DCC: variants seen among roughly 807,000 people sequenced by gnomAD.
The protein encoded by DCC is DCC netrin 1 receptor.
A neutral mutation model predicts 172.5 loss-of-function variants in DCC; 58 were observed. That is an observed-to-expected ratio of 0.34 (90% CI 0.27 to 0.42). The LOEUF is 0.42. Ranked by LOEUF, DCC falls within the 10% of genes least tolerant of loss-of-function variation. The pLI is 1.00. For missense variants in DCC, 1,740 were observed against 1,791.0 expected, an observed-to-expected ratio of 0.97 and a Z score of 0.51; for synonymous variants, 709 against 644.5, an observed-to-expected ratio of 1.10 and a Z score of -1.52.
At chr18:52,896,847 G>T (rs2039738354) in intron 2 of DCC, among the ~76,000 whole-genome samples, 1 of 145,766 alleles carries the variant, frequency 6.9e-6, no homozygotes, top group African/African-American at 2.6e-5. Context: ...GGGGAAAGCT[G>T]GGTAGGGGCT....
intron 2 of DCC, among the ~76,000 whole-genome samples, chr18:52,825,311 A>C (rs773531907): frequency 6.6e-6 from 1 of 152,198 alleles, no homozygotes; most frequent in South Asian, 2.1e-4. Context: ...TAAGGTACTT[A>C]TAAAGATTAC....
chr18:53,525,370 G>A (rs576993343), intron 27 of DCC, among the ~76,000 whole-genome samples: 1 of 152,100 alleles, frequency 6.6e-6, no homozygotes, highest in African/African-American at 2.4e-5. Context: ...CTCATCAGAG[G>A]TACCACGAAC....
chr18:52,547,415 C>T (rs117188346), intron 1 of DCC, among the ~76,000 whole-genome samples: 1 of 152,124 alleles, frequency 6.6e-6, no homozygotes, highest in African/African-American at 2.4e-5. Context: ...TCCACTCCCT[C>T]ATTTATTTGA....
chr18:52,606,588 C>T (rs888948849), intron 1 of DCC, among the ~76,000 whole-genome samples: 3 of 152,026 alleles, frequency 2.0e-5, no homozygotes, highest in Admixed American at 6.6e-5. Context: ...AGATAAAGAT[C>T]GCTATGAACT....
intron 5 of DCC, among the ~76,000 whole-genome samples, chr18:53,058,637 T>C (rs997336695): frequency 5.9e-5 from 9 of 152,044 alleles, no homozygotes; most frequent in Non-Finnish European, 5.9e-5. Context: ...AAAGGGAAAA[T>C]TGGGTAAACT....
intron 5 of DCC, among the ~76,000 whole-genome samples, chr18:53,022,872 T>C (rs1719394933): frequency 6.6e-6 from 1 of 152,086 alleles, no homozygotes; most frequent in Admixed American, 6.6e-5. Context: ...TTTTGTATTA[T>C]TGGATTTTTC....
At chr18:52,656,213 G>A (rs1397682021) in intron 1 of DCC, among the ~76,000 whole-genome samples, 1 of 151,550 alleles carries the variant, frequency 6.6e-6, no homozygotes, top group African/African-American at 2.4e-5. Context: ...CCAAAGTGAT[G>A]GTGTTAGGAG....
chr18:52,896,263 A>G (rs948192548), intron 2 of DCC, among the ~76,000 whole-genome samples: 5 of 152,206 alleles, frequency 3.3e-5, no homozygotes, highest in Non-Finnish European at 7.3e-5. Flanking sequence ...ATTTGTCCAC[A>G]TTAGAAATTT....
rs932400538 is a variant in DCC, at chr18:52,718,252, A to G, written c.92-33802A>G. 3.9e-5 allele frequency among the ~76,000 whole-genome samples: 6 copies of G among 152,222 alleles called. No individual in the cohort carries two copies. The East Asian group carries it at 1.2e-3, about 29-fold the overall frequency. ...TAAAAAAATTAGTTGATTTGATTTA[A>G]TTTGACTGGGGTATTGGTCACAAGT... On this transcript the variant is annotated intron_variant, in intron 1 of 28. Coordinates refer to ENST00000442544, the MANE Select transcript of DCC (RefSeq NM_005215.4).
At chr18:52,627,227 A>T (rs1330471909) in intron 1 of DCC, among the ~76,000 whole-genome samples, 2 of 152,138 alleles carry the variant, frequency 1.3e-5, no homozygotes, top group Non-Finnish European at 2.9e-5. Context: ...TCATATTTTT[A>T]TTTGACTATT....
intron 12 of DCC, among the ~76,000 whole-genome samples, chr18:53,247,813 T>C (rs1038228068): frequency 1.8e-4 from 28 of 151,976 alleles, no homozygotes; most frequent in Admixed American, 1.6e-3. Flanking sequence ...TCCTTTAAAG[T>C]CTATTGAACT....
At chr18:52,490,479 AC>A (rs1459005032) in intron 1 of DCC, among the ~76,000 whole-genome samples, 1 of 152,104 alleles carries the variant, frequency 6.6e-6, no homozygotes, top group African/African-American at 2.4e-5. Flanking sequence ...TGTTTTCATG[AC>A]GGGGAAACTG....
At chr18:52,613,864 A>G (rs1485574720) in intron 1 of DCC, among the ~76,000 whole-genome samples, 2 of 152,154 alleles carry the variant, frequency 1.3e-5, no homozygotes, top group East Asian at 3.9e-4. Context: ...TATATCCAAC[A>G]CTGGGAAGGC....
intron 5 of DCC, among the ~76,000 whole-genome samples, chr18:52,974,862 T>C (rs1405584742): frequency 6.6e-6 from 1 of 152,250 alleles, no homozygotes; most frequent in Non-Finnish European, 1.5e-5. Flanking sequence ...GTAGTAATTT[T>C]AGGTTAAATT....
intron 1 of DCC, among the ~76,000 whole-genome samples, chr18:52,587,213 C>A (rs2033695413): frequency 2.6e-5 from 4 of 152,180 alleles, no homozygotes. Context: ...CTGCTGCTGG[C>A]AAACTGGGCA....
At chr18:53,428,442 T>TA (rs1911246217) in intron 21 of DCC, among the ~76,000 whole-genome samples, 1 of 41,076 alleles carries the variant, frequency 2.4e-5, no homozygotes, top group African/African-American at 7.8e-5. Context: ...ATATATAATA[T>TA]ATTATATTAT....
intron 1 of DCC, among the ~76,000 whole-genome samples, chr18:52,449,965 T>C (rs1988250615): frequency 1.3e-5 from 2 of 152,326 alleles, no homozygotes; most frequent in South Asian, 4.1e-4. Context: ...CAGTCTTGGG[T>C]ATGTCTTTAT....
intron 6 of DCC, among the ~76,000 whole-genome samples, chr18:53,065,596 A>G (rs2144087755): frequency 6.6e-6 from 1 of 152,298 alleles, no homozygotes; most frequent in African/African-American, 2.4e-5. Flanking sequence ...AAAATATCCA[A>G]CTTTGATTTC....
At chr18:52,713,001 C>T (rs2036320188) in intron 1 of DCC, among the ~76,000 whole-genome samples, 1 of 152,098 alleles carries the variant, frequency 6.6e-6, no homozygotes, top group Non-Finnish European at 1.5e-5. Flanking sequence ...CACTCTATTC[C>T]ATCTTTTTTA....
Sources: gnomAD v4.1 joint callset for allele counts (sites outside exome capture counted in the v4.1 genomes callset) on GRCh38, gnomAD v4.1.1 for gene constraint, MANE v1.5 for transcripts, NCBI Gene and HGNC (gene_info 2026-07-23, HGNC 2026-07-21) for gene names.